Variants in MYO1C observed in about 807,000 individuals in gnomAD.
MYO1C encodes the protein unconventional myosin-Ic.
A neutral mutation model predicts 150.8 loss-of-function variants in MYO1C; 104 were observed. The ratio of observed to expected loss-of-function variants is 0.69; its 90% confidence interval spans 0.59 to 0.81. MYO1C has a LOEUF of 0.81. Among genes scored for constraint, MYO1C ranks in the 30% least tolerant of loss-of-function variants. The pLI is 0.00. For synonymous variants in MYO1C, 663 were observed against 579.9 expected (o/e 1.14, Z -2.06); for missense variants, 1,504 against 1,435.0 (o/e 1.05, Z -0.78).
chr17:1,492,674 G>A lies in MYO1C; in HGVS notation c.-187C>T, dbSNP rs2074749586. ...TCCAGCTCCTCAGGACACGGCTGGA[G>A]CCGTCCAGGTCTGACTGGGAGGCCT... On this transcript the variant is annotated 5_prime_UTR_variant, in exon 1 of 32. Transcript: ENST00000648651. 3 of 645,756 alleles carry A rather than the reference G, an allele frequency of 4.6e-6. No individual in the cohort carries two copies. The highest frequency in any genetic ancestry group is 2.8e-5 in the East Asian group (1 of 36,014). 40.0% of individuals were successfully genotyped at this position (645,756 alleles called of 1,614,324 possible).
At chr17:1,471,538 G>A (rs1298631915) in intron 19 of MYO1C, among the ~76,000 whole-genome samples, 1 of 152,158 alleles carries the variant, frequency 6.6e-6, no homozygotes, top group Non-Finnish European at 1.5e-5. Context: ...AAGTGGCAGA[G>A]ATGAAATTCA....
intron 2 of MYO1C, 78 bp downstream of exon 2, chr17:1,484,070 C>A (rs2074597397): frequency 2.6e-6 from 4 of 1,562,706 alleles, no homozygotes; most frequent in Non-Finnish European, 3.5e-6. Flanking sequence ...ATCCCGGTGA[C>A]CCTTGGTGTC....
Position 1,478,336 on chromosome 17 carries a change from G to GAGAGGCTGGAGGACAGAAGAGAGGGAGC in MYO1C, c.1295+46_1295+73dup. 1.3e-6 allele frequency: 2 copies of GAGAGGCTGGAGGACAGAAGAGAGGGAGC among 1,591,090 alleles called. No individual in the cohort carries two copies. Among genetic ancestry groups the GAGAGGCTGGAGGACAGAAGAGAGGGAGC allele is most frequent in the Non-Finnish European group, 8.6e-7 (1 of 1,159,314 alleles). ...GGCTGGGGAGTCACAGGGCAGGAAT[G>GAGAGGCTGGAGGACAGAAGAGAGGGAGC]AGAGGCTGGAGGACAGAAGAGAGGG... On this transcript the variant is annotated intron_variant, in intron 11 of 31. Coordinates refer to ENST00000648651, the MANE Select transcript of MYO1C (RefSeq NM_001080779.2). The surrounding 1 kb of genome is among the most constrained non-coding windows in gnomAD (Gnocchi z 6.3).
Position 1,492,682 on chromosome 17 carries a change from G to A in MYO1C, c.-195C>T, listed in dbSNP as rs1022116919. Reference sequence around the variant, plus strand: ...CTCAGGACACGGCTGGAGCCGTCCAGGTCTGACTGGGAGGCCTCTTGGCCC... The same window carrying A: ...CTCAGGACACGGCTGGAGCCGTCCAAGTCTGACTGGGAGGCCTCTTGGCCC... On this transcript the variant is annotated 5_prime_UTR_variant, in exon 1 of 32. Transcript: ENST00000648651. 3.2e-6 allele frequency: 2 copies of A among 619,034 alleles called. No individual in the cohort carries two copies. Among genetic ancestry groups the A allele is most frequent in the Non-Finnish European group, 2.9e-6 (1 of 343,166 alleles). The allele number at this position is 619,034 out of a possible 1,614,324, so 38.3% of individuals were successfully genotyped here.
intron 31 of MYO1C, 54 bp downstream of exon 31, chr17:1,467,188 G>C: frequency 6.6e-7 from 1 of 1,523,516 alleles, no homozygotes; most frequent in Non-Finnish European, 9.0e-7. Context: ...GCACAGCCAA[G>C]GAAGGCTTGG....
At position 1,471,755 on chromosome 17, in the gene MYO1C, C is replaced by T. The variant is rs534005318; in HGVS notation, c.2021+152G>A. On this transcript the variant is annotated intron_variant, in intron 19 of 31. Coordinates refer to ENST00000648651, the MANE Select transcript of MYO1C (RefSeq NM_001080779.2). ...TTTCCACCCAGCCTGATGTCAGGAC[C>T]GCAGCACCAAGGGCCTCCACCAAGG... 3.1e-4 allele frequency: 261 copies of T among 838,274 alleles called. 1 individual carries two copies. In the Admixed American group the frequency reaches 4.1e-3, roughly 13 times the overall value. 51.9% of individuals were successfully genotyped at this position (838,274 alleles called of 1,614,324 possible).
At chr17:1,472,250 G>A (rs754611153) in intron 17 of MYO1C, 22 bp from the exon 18 acceptor site, 2 of 1,609,122 alleles carry the variant, frequency 1.2e-6, no homozygotes, top group South Asian at 1.1e-5. Flanking sequence ...AGAGGCATGG[G>A]AGGTTGGCCG....
chr17:1,477,482 A>AGCAGCCCC (rs762197857), intron 14 of MYO1C, 23 bp downstream of exon 14: 13 of 1,608,444 alleles, frequency 8.1e-6, no homozygotes, highest in Non-Finnish European at 9.4e-6. Context: ...CCTTGCCCCC[A>AGCAGCCCC]GCAGCCCCGC....
rs763563507 is a variant in MYO1C, at chr17:1,483,596, C to T, written c.347+14G>A. On this transcript the variant is annotated intron_variant, in intron 3 of 31. Transcript: ENST00000648651. ...GACAGAGGGGTCGCTCCCGGAGGGG[C>T]TGGGGTCACTCACAGGTGAGGGGGC... is the stretch of plus-strand genomic sequence containing the variant. 4 of 1,591,988 alleles carry T rather than the reference C, an allele frequency of 2.5e-6. No homozygotes were observed. The highest frequency in any genetic ancestry group is 3.4e-6 in the Non-Finnish European group (4 of 1,167,182).
intron 19 of MYO1C, 135 bp from the exon 20 acceptor site, chr17:1,471,471 GC>G: frequency 2.7e-6 from 2 of 736,612 alleles, no homozygotes; most frequent in South Asian, 1.5e-5. Context: ...CTCGGTCACT[GC>G]CCCCATTTTA....
chr17:1,481,690 A>T (rs940523484), intron 5 of MYO1C, among the ~76,000 whole-genome samples: 2 of 151,646 alleles, frequency 1.3e-5, no homozygotes, highest in Non-Finnish European at 2.9e-5. Context: ...CAGTAGAGGC[A>T]GGGTTTCACC....
Position 1,477,962 on chromosome 17 carries a change from C to T in MYO1C, c.1411G>A (p.Val471Ile), listed in dbSNP as rs147805425. 221 of 1,614,102 alleles carry T rather than the reference C, an allele frequency of 1.4e-4. No individual in the cohort carries two copies. Among genetic ancestry groups the T allele is most frequent in the Non-Finnish European group, 1.7e-4 (199 of 1,179,972 alleles). ...ATGATTTTGTTGTTGAAATACTGGA[C>T]GGGCTCCCACTGAGGGGCAGAAGGG... is the stretch of plus-strand genomic sequence containing the variant. ...YEAEGIAWEP[V>I]QYFNNKIICD... The change falls in exon 13 of 32, where the codon GTC (valine) becomes ATC (isoleucine). Residue 471 changes from valine to isoleucine, a missense_variant. By Grantham distance (29) the Val-to-Ile change is conservative. Coordinates refer to ENST00000648651, the MANE Select transcript of MYO1C (RefSeq NM_001080779.2).
chr17:1,484,414 TAGA>T lies in MYO1C; in HGVS notation c.76-114_76-112del, dbSNP rs1194140704. 6 of 1,321,756 alleles carry T rather than the reference TAGA, an allele frequency of 4.5e-6. No homozygotes were observed. In the African/African-American group the frequency reaches 5.8e-5, roughly 13 times the overall value. 81.9% of individuals were successfully genotyped at this position (1,321,756 alleles called of 1,614,324 possible). On this transcript the variant is annotated intron_variant, in intron 1 of 31. Coordinates refer to ENST00000648651, the MANE Select transcript of MYO1C (RefSeq NM_001080779.2). Reference sequence around the variant, plus strand: ...ACGTAGGGGCTTGTGGACTCCGGGCTAGACACGGGACATGAGCATGACGGGTGC... The same window carrying T: ...ACGTAGGGGCTTGTGGACTCCGGGCTCACGGGACATGAGCATGACGGGTGC...
rs779891287 is a variant in MYO1C at position 1,471,235 on chromosome 17, T to G, written c.2123A>C (p.Tyr708Ser). The G allele has an allele frequency of 4.3e-6, 7 of 1,613,846 alleles. No individual in the cohort carries two copies. Among genetic ancestry groups the G allele is most frequent in the Non-Finnish European group, 5.1e-6 (6 of 1,179,976 alleles). ...VRHLGYKPEE[Y>S]KMGRTKIFIR... is the part of the protein sequence containing the mutation. ...GGACACTACCCACCTGCCCATCTTG[T>G]ACTCTTCTGGCTTGTAGCCCAGGTG... is the stretch of plus-strand genomic sequence containing the variant. Residue 708 changes from tyrosine (Y) to serine (S), a missense_variant, in exon 20 of 32, where the codon TAC becomes TCC. By Grantham distance (144) the Tyr-to-Ser change is moderately radical. Transcript: ENST00000648651.
intron 17 of MYO1C, among the ~76,000 whole-genome samples, chr17:1,473,459 G>A (rs1041611918): frequency 1.3e-5 from 2 of 152,024 alleles, no homozygotes; most frequent in Admixed American, 1.3e-4. Flanking sequence ...GGTGCTTCGG[G>A]AGAGGGTGGG....
At chr17:1,467,365 G>A in intron 30 of MYO1C, 24 bp from the exon 31 acceptor site, 2 of 1,605,694 alleles carry the variant, frequency 1.2e-6, no homozygotes, top group Non-Finnish European at 1.7e-6. Context: ...GTGGGTGAGG[G>A]TTTTTCCATG....
chr17:1,477,553 A>G lies in MYO1C; in HGVS notation c.1526T>C (p.Phe509Ser). The change falls in exon 14 of 32, where the codon TTC (phenylalanine) becomes TCC (serine). Residue 509 changes from phenylalanine to serine, a missense_variant. Coordinates refer to ENST00000648651, the MANE Select transcript of MYO1C (RefSeq NM_001080779.2). ...GACAGTATCCTCCAGCTTCTCCAGG[A>G]AGGTCAGGTCTGTGGCCTCCCCGGG... ...LRPGEATDLTFLEKLEDTVKH... is the reference protein window; with the variant it reads ...LRPGEATDLTSLEKLEDTVKH... 6.2e-7 allele frequency: 1 copy of G among 1,613,526 alleles called. No homozygotes were observed. Among genetic ancestry groups the G allele is most frequent in the Non-Finnish European group, 8.5e-7 (1 of 1,179,994 alleles).
At position 1,480,825 on chromosome 17, in the gene MYO1C, G is replaced by C. The variant is rs370803088; in HGVS notation, c.688C>G (p.Gln230Glu). 1.9e-5 allele frequency: 30 copies of C among 1,614,062 alleles called. No homozygotes were observed. Among genetic ancestry groups the C allele is most frequent in the Non-Finnish European group, 2.0e-5 (24 of 1,180,042 alleles). Reference protein sequence around the residue: ...YLLEKSRVVHQNHGERNFHIF... With the variant: ...YLLEKSRVVHENHGERNFHIF... ...TGGAAGTTCCGCTCCCCATGATTCT[G>C]GTGCACCACTCGTGACTTTTCCAGG... Residue 230 changes from glutamine to glutamate, a missense_variant, in exon 6 of 32, where the codon CAG becomes GAG. Gln to Glu is a conservative substitution (Grantham distance 29). Transcript: ENST00000648651.
At chr17:1,483,297 G>A (rs1436984703) in intron 3 of MYO1C, among the ~76,000 whole-genome samples, 2 of 151,864 alleles carry the variant, frequency 1.3e-5, no homozygotes, top group African/African-American at 4.8e-5. Context: ...GGTCACTTAG[G>A]TGGAGGCTGG....
Sources: allele counts gnomAD v4.1 joint callset (sites outside exome capture counted in the v4.1 genomes callset), GRCh38; gene constraint gnomAD v4.1.1; non-coding constraint Gnocchi (gnomAD v3.1); transcripts MANE v1.5; gene names NCBI Gene and HGNC (gene_info 2026-07-23, HGNC 2026-07-21).